Variants in ESCO2 observed in about 807,000 individuals in gnomAD.
ESCO2 encodes the protein establishment of sister chromatid cohesion N-acetyltransferase 2.
Under a neutral mutation model 61.7 loss-of-function variants are expected in ESCO2, and 51 were observed. The ratio of observed to expected loss-of-function variants is 0.83; its 90% CI spans 0.66 to 1.04. The LOEUF (loss-of-function observed/expected upper bound fraction) is 1.04. ESCO2 is among the 50% of genes least tolerant of loss of function. The pLI is 0.00. For synonymous variants in ESCO2, 230 were observed against 238.2 expected (o/e 0.97, Z 0.32); for missense variants, 692 against 686.2 (o/e 1.01, Z -0.09).
At chr8:27,801,998 G>A (rs984804630) in intron 10 of ESCO2, among the ~76,000 whole-genome samples, 1 of 67,884 alleles carries the variant, frequency 1.5e-5, no homozygotes, top group Non-Finnish European at 2.7e-5. Flanking sequence ...TTTTTGCCCA[G>A]TATCACATTC....
At chr8:27,781,352 C>G (rs1804924218) in intron 4 of ESCO2, among the ~76,000 whole-genome samples, 1 of 152,012 alleles carries the variant, frequency 6.6e-6, no homozygotes, top group Non-Finnish European at 1.5e-5. Context: ...GTTTTTTTAG[C>G]CCACTCTCAG....
chr8:27,780,943 C>T (rs535319028), intron 4 of ESCO2, among the ~76,000 whole-genome samples: 1 of 151,974 alleles, frequency 6.6e-6, no homozygotes, highest in East Asian at 1.9e-4. Flanking sequence ...ATTTAGTATA[C>T]GTTATGTTTT....
intron 6 of ESCO2, among the ~76,000 whole-genome samples, chr8:27,788,531 T>C (rs56006145): frequency 4.0e-4 from 60 of 151,320 alleles, no homozygotes; most frequent in Admixed American, 1.1e-3. Flanking sequence ...CTCTTTTTTT[T>C]CCCCCCCCAA....
upstream of ESCO2, chr8:27,774,496 C>G (rs1474725390): frequency 6.6e-6 from 1 of 152,194 alleles, no homozygotes; most frequent in African/African-American, 2.4e-5. Flanking sequence ...AGCGCTGAGC[C>G]GTGGCCAATC....
chr8:27,791,853 TTA>T, intron 7 of ESCO2, 108 bp from the exon 8 acceptor site: 2 of 907,108 alleles, frequency 2.2e-6, no homozygotes, highest in Non-Finnish European at 1.8e-6. Context: ...CTTCTTCTTT[TTA>T]TATCTATTAT....
At chr8:27,811,692 AATTC>A (rs1478249473), downstream of ESCO2, among the ~76,000 whole-genome samples, 3 of 152,272 alleles carry the variant, frequency 2.0e-5, no homozygotes, top group South Asian at 6.2e-4. Flanking sequence ...AGCCAGCTAA[AATTC>A]TCATTAGGAT....
In ESCO2 at chr8:27,776,777, C is replaced by G. The variant is rs1804802582; in HGVS notation, c.469C>G (p.Pro157Ala). The stretch of plus-strand genomic sequence containing the variant: ...TCAACCAAAGTATAGACACATCAAG[C>G]CTGTATCAAGGAATTCTAGAAATTC... The part of the protein sequence containing the change: ...KYQPKYRHIK[P>A]VSRNSRNSKQ... The change falls in exon 3 of 11, where the codon CCT becomes GCT. Residue 157 changes from proline (P) to alanine (A), a missense_variant. Transcript: ENST00000305188. 6.8e-6 allele frequency: 11 copies of G among 1,613,832 alleles called. No homozygotes were observed. Among genetic ancestry groups the G allele is most frequent in the Non-Finnish European group, 8.5e-6 (10 of 1,180,032 alleles).
intron 6 of ESCO2, 79 bp downstream of exon 6, chr8:27,788,081 G>T: frequency 1.0e-6 from 1 of 978,082 alleles, no homozygotes; most frequent in Non-Finnish European, 1.6e-6. Context: ...AGACAGTTCA[G>T]AACTTGGTAT....
downstream of ESCO2, chr8:27,810,171 T>A (rs1443700060): frequency 6.3e-6 from 4 of 639,044 alleles, no homozygotes; most frequent in African/African-American, 1.9e-5. Context: ...TAGAAATAGT[T>A]ATCCATATGT....
chr8:27,785,238 A>G (rs1484325999), intron 5 of ESCO2, among the ~76,000 whole-genome samples: 2 of 152,198 alleles, frequency 1.3e-5, no homozygotes, highest in South Asian at 2.1e-4. Flanking sequence ...ACATTAATCC[A>G]TTCATGAAGG....
rs1805526754 is a variant in ESCO2 at position 27,804,847 on chromosome 8, ATT to A, written c.*1412_*1413del. On this transcript the variant is annotated 3_prime_UTR_variant, in exon 11 of 11. Coordinates refer to ENST00000305188, the MANE Select transcript of ESCO2 (RefSeq NM_001017420.3). ...ATTTTATTTAAAATTTTTAATTAAC[ATT>A]TTGTTTGCTTAATGCTTTTGTTATG... 2 of 818,848 alleles carry A rather than the reference ATT, an allele frequency of 2.4e-6. No homozygotes were observed. Among genetic ancestry groups the A allele is most frequent in the East Asian group, 1.2e-4 (1 of 8,062 alleles). The allele number at this position is 818,848 out of a possible 1,614,324, so 50.7% of individuals were successfully genotyped here. A position where few individuals can be genotyped will look rare whatever the true frequency, so the allele number is the denominator to read the frequency against.
At chr8:27,799,400 G>A in intron 9 of ESCO2, 141 bp from the exon 10 acceptor site, 1 of 916,308 alleles carries the variant, frequency 1.1e-6, no homozygotes, top group Non-Finnish European at 1.7e-6. Flanking sequence ...AAAGGGATAA[G>A]AATTTAAGAA....
At position 27,784,035 on chromosome 8, in the gene ESCO2, G is replaced by C; in HGVS notation, c.991G>C (p.Ala331Pro). 6.2e-7 allele frequency: 1 copy of C among 1,613,504 alleles called. No individual in the cohort carries two copies. Among genetic ancestry groups the C allele is most frequent in the Non-Finnish European group, 8.5e-7 (1 of 1,179,642 alleles). ...PKSTVYPIFS[A>P]SSVNSKRSLG... ...GTCCACTGTCTATCCAATCTTCAGT[G>C]CATCTTCAGTCAATTCAAAAAGGTG... The change falls in exon 5 of 11, where the codon GCA becomes CCA. Residue 331 changes from alanine (A) to proline (P), a missense_variant. Ala to Pro is a conservative substitution (Grantham distance 27, BLOSUM62 -1). Coordinates refer to ENST00000305188, the MANE Select transcript of ESCO2 (RefSeq NM_001017420.3).
intron 10 of ESCO2, among the ~76,000 whole-genome samples, chr8:27,801,819 T>G (rs554919763): frequency 3.0e-4 from 46 of 152,240 alleles, no homozygotes; most frequent in African/African-American, 1.1e-3. Context: ...TACCCCTTCA[T>G]GCATTGGTGT....
intron 9 of ESCO2, among the ~76,000 whole-genome samples, chr8:27,796,433 A>G (rs1805298324): frequency 6.6e-6 from 1 of 151,608 alleles, no homozygotes; most frequent in Non-Finnish European, 1.5e-5. Flanking sequence ...ACTGATCTTT[A>G]TTTTCTTCCT....
downstream of ESCO2, among the ~76,000 whole-genome samples, chr8:27,817,500 A>C (rs540803410): frequency 3.0e-4 from 45 of 152,150 alleles, no homozygotes; most frequent in African/African-American, 9.1e-4. Context: ...TAGGATTATT[A>C]ACTGTTTTTG....
chr8:27,813,038 C>G (rs1284736351), downstream of ESCO2, among the ~76,000 whole-genome samples: 2 of 152,154 alleles, frequency 1.3e-5, no homozygotes, highest in African/African-American at 4.8e-5. Context: ...TTTATTGTGG[C>G]ACTATTCACA....
In ESCO2 at chr8:27,788,991, A is replaced by G; in HGVS notation, c.1263+13A>G. The stretch of plus-strand genomic sequence containing the variant: ...AATCAAATATGTGGTGAGCCAAAAC[A>G]TAGTCTTTCAGTTTGTTCTAGAAGT... On this transcript the variant is annotated intron_variant, in intron 7 of 10. Coordinates refer to ENST00000305188, the MANE Select transcript of ESCO2 (RefSeq NM_001017420.3). 1 of 1,613,908 alleles carries G rather than the reference A, an allele frequency of 6.2e-7. No individual in the cohort carries two copies.
intron 4 of ESCO2, among the ~76,000 whole-genome samples, chr8:27,781,195 C>T (rs555710114): frequency 6.6e-6 from 1 of 152,306 alleles, no homozygotes; most frequent in South Asian, 2.1e-4. Flanking sequence ...ATTCTCCCTA[C>T]TACTCTAGGT....
Sources: gnomAD v4.1 joint callset for allele counts (sites outside exome capture counted in the v4.1 genomes callset) on GRCh38, gnomAD v4.1.1 for gene constraint, MANE v1.5 for transcripts, NCBI Gene and HGNC (gene_info 2026-07-23, HGNC 2026-07-21) for gene names.